The following PALD1 variants were observed in gnomAD, a reference collection of about 807,000 sequenced individuals.
The protein encoded by PALD1 is paladin.
A neutral mutation model predicts 96.0 loss-of-function variants in PALD1; 57 were observed. The ratio of observed to expected loss-of-function variants is 0.59; its 90% CI spans 0.48 to 0.74. The LOEUF (loss-of-function observed/expected upper bound fraction) is 0.74. PALD1 is among the 30% of genes least tolerant of loss of function. The probability of loss-of-function intolerance (pLI) is 0.00; values close to 1 mark genes in which losing one functional copy is unlikely to be tolerated. For synonymous variants in PALD1, 464 were observed against 473.6 expected, an observed-to-expected ratio of 0.98 and a Z score of 0.26; for missense variants, 1,063 against 1,143.7, an observed-to-expected ratio of 0.93 and a Z score of 1.02.
chr10:70,498,398 G>T (rs141276187), intron 1 of PALD1, among the ~76,000 whole-genome samples: 1 of 152,216 alleles, frequency 6.6e-6, no homozygotes, highest in Admixed American at 6.5e-5. Context: ...TCCTGTTTCA[G>T]CCTCCCAAGT....
rs374746350 is a variant in PALD1, at chr10:70,564,395, G to A, written c.2294G>A (p.Arg765Gln). ...GCAGCGAAAGAGGCGCAAGAAATGC[G>A]GAGGCTGCAGCTGCGGAGCCTGCAG... is the stretch of plus-strand genomic sequence containing the variant. ...AKAAKEAQEM[R>Q]RLQLRSLQYL... The change falls in exon 19 of 20, where the codon CGG (arginine) becomes CAG (glutamine). Residue 765 changes from arginine to glutamine, a missense_variant. By Grantham distance (43) the Arg-to-Gln change is conservative. Transcript: ENST00000263563. The A allele has an allele frequency of 7.9e-5, 128 of 1,613,664 alleles. No individual in the cohort carries two copies. The highest frequency in any genetic ancestry group is 9.8e-5 in the Non-Finnish European group (116 of 1,179,730).
At chr10:70,494,688 G>A (rs547466604) in intron 1 of PALD1, among the ~76,000 whole-genome samples, 4 of 152,232 alleles carry the variant, frequency 2.6e-5, no homozygotes, top group Non-Finnish European at 4.4e-5. Flanking sequence ...TCCCGTGGGC[G>A]GGGGCTTGGT....
intron 18 of PALD1, among the ~76,000 whole-genome samples, chr10:70,561,889 C>T (rs898086512): frequency 3.9e-5 from 6 of 152,220 alleles, no homozygotes; most frequent in African/African-American, 1.4e-4. Context: ...CTAGATGTCC[C>T]CTCTTCCTTG....
chr10:70,528,496 T>TCCTTGTCCA, intron 2 of PALD1, among the ~76,000 whole-genome samples: 1 of 152,316 alleles, frequency 6.6e-6, no homozygotes, highest in South Asian at 2.1e-4. Context: ...TGTCCAAAGC[T>TCCTTGTCCA]ATAGAGTTAC....
intron 1 of PALD1, among the ~76,000 whole-genome samples, chr10:70,482,755 C>G (rs1382512884): frequency 6.6e-6 from 1 of 152,136 alleles, no homozygotes; most frequent in Non-Finnish European, 1.5e-5. Flanking sequence ...CTCTCTGTGC[C>G]TCAAGTCCCT....
At chr10:70,502,581 C>T (rs1304155639) in intron 1 of PALD1, among the ~76,000 whole-genome samples, 1 of 152,028 alleles carries the variant, frequency 6.6e-6, no homozygotes, top group Admixed American at 6.6e-5. Flanking sequence ...TGGAATGTAT[C>T]ATGGACGTCA....
At chr10:70,562,366 C>G (rs1011990057) in intron 18 of PALD1, among the ~76,000 whole-genome samples, 1 of 152,170 alleles carries the variant, frequency 6.6e-6, no homozygotes. Context: ...CAGCAAAGGC[C>G]GTGGAGGTAG....
In PALD1 at chr10:70,532,689, G is replaced by T. The variant is rs142191615; in HGVS notation, c.702G>T (p.Gly234=). 2 of 1,614,052 alleles carry T rather than the reference G, an allele frequency of 1.2e-6. No individual in the cohort carries two copies. Among genetic ancestry groups the T allele is most frequent in the African/African-American group, 2.7e-5 (2 of 74,938 alleles). Residue 234 remains glycine, a synonymous_variant, in exon 6 of 20, where the codon GGG becomes GGT. Coordinates refer to ENST00000263563, the MANE Select transcript of PALD1 (RefSeq NM_014431.3). ...HVYHNTEDLW[G]EPHAVAIHGE... is the part of the protein sequence containing the mutation. Reference sequence around the variant, plus strand: ...ACCATAACACCGAGGACCTGTGGGGGGAGCCCCATGCTGTGGCCATCCATG... The same window carrying T: ...ACCATAACACCGAGGACCTGTGGGGTGAGCCCCATGCTGTGGCCATCCATG...
At chr10:70,493,408 T>C (rs1015489841) in intron 1 of PALD1, among the ~76,000 whole-genome samples, 3 of 152,252 alleles carry the variant, frequency 2.0e-5, no homozygotes, top group African/African-American at 7.2e-5. Context: ...CAGTGATGTC[T>C]GCAGTGGGTC....
At position 70,529,971 on chromosome 10, in the gene PALD1, G is replaced by A. The variant is rs1174205581; in HGVS notation, c.371G>A (p.Arg124Gln). 15 of 1,612,584 alleles carry A rather than the reference G, an allele frequency of 9.3e-6. No homozygotes were observed. Among genetic ancestry groups the A allele is most frequent in the Non-Finnish European group, 1.2e-5 (14 of 1,179,350 alleles). Residue 124 changes from arginine to glutamine, a missense_variant, in exon 4 of 20, where the codon CGG (arginine) becomes CAG (glutamine). Arg to Gln is a conservative substitution (Grantham distance 43). Coordinates refer to ENST00000263563, the MANE Select transcript of PALD1 (RefSeq NM_014431.3). ...GGAAGCTGTGGGGCCCCCAACTTCC[G>A]GCAGGTGCAGGGTGGGCTCACTGTG... is the stretch of plus-strand genomic sequence containing the variant. ...TVGSCGAPNF[R>Q]QVQGGLTVFG...
At position 70,496,824 on chromosome 10, in the gene PALD1, C is replaced by T. The variant is rs1488103657; in HGVS notation, c.-30+17765C>T. ...ATCCTCCTTTCACCAAGAGGGAGACCGAGGAGGTTCCAGAGGGTCTGAGAG... is the reference window on the plus strand; with the variant it reads ...ATCCTCCTTTCACCAAGAGGGAGACTGAGGAGGTTCCAGAGGGTCTGAGAG... On this transcript the variant is annotated intron_variant, in intron 1 of 19. Transcript: ENST00000263563. Among the ~76,000 whole-genome samples, 12 of 152,216 alleles carry T rather than the reference C, an allele frequency of 7.9e-5. No individual in the cohort carries two copies. In the East Asian group the frequency reaches 1.4e-3, roughly 17 times the overall value.
intron 3 of PALD1, 131 bp downstream of exon 3, chr10:70,529,462 G>A (rs1288941364): frequency 1.6e-6 from 1 of 624,450 alleles, no homozygotes; most frequent in Non-Finnish European, 2.9e-6. Flanking sequence ...GAACGGGCAG[G>A]GCCCTAGGAT....
At chr10:70,490,490 G>A (rs1231470925) in intron 1 of PALD1, among the ~76,000 whole-genome samples, 2 of 152,144 alleles carry the variant, frequency 1.3e-5, no homozygotes, top group East Asian at 3.8e-4. Context: ...CCCCTCACTT[G>A]CTGATTGACA....
the PALD1 span, among the ~76,000 whole-genome samples, chr10:70,463,927 T>C: frequency 2.6e-5 from 4 of 151,824 alleles, no homozygotes; most frequent in Non-Finnish European, 5.9e-5. Context: ...AGAAGTGAGG[T>C]TGAACTTAGT....
rs371470294 is a variant in PALD1 at position 70,541,440 on chromosome 10, T to C, written c.2050-23T>C. 24 of 1,610,852 alleles carry C rather than the reference T, an allele frequency of 1.5e-5. No individual in the cohort carries two copies. In the African/African-American group the frequency reaches 2.9e-4, roughly 20 times the overall value. ...TCCTGGCGTTGGGAGGGGGCTTCTG[T>C]CTCAGCAGCTGTCTTCCCTCAGGGC... On this transcript the variant is annotated intron_variant, in intron 16 of 19. Coordinates refer to ENST00000263563, the MANE Select transcript of PALD1 (RefSeq NM_014431.3).
At chr10:70,554,925 CCCCT>C (rs1847565246) in intron 18 of PALD1, among the ~76,000 whole-genome samples, 2 of 20,908 alleles carry the variant, frequency 9.6e-5, no homozygotes, top group African/African-American at 1.7e-4. Context: ...TCCTCCCCTC[CCCCT>C]CCTCCCCCTC....
Position 70,531,269 on chromosome 10 carries a change from TC to T in PALD1, c.469-16del. On this transcript the variant is annotated intron_variant, in intron 4 of 19. Transcript: ENST00000263563. ...TGCGGGATCATGATGATGGCTTCCT[TC>T]CCCCTCGGGCTCCTGGCAGGAGTGT... The T allele has an allele frequency of 6.2e-7, 1 of 1,602,346 alleles. No individual in the cohort carries two copies. Among genetic ancestry groups the T allele is most frequent in the Non-Finnish European group, 8.5e-7 (1 of 1,171,100 alleles).
rs575116861 is a variant in PALD1, at chr10:70,537,232, C to T, written c.1228-579C>T. The stretch of plus-strand genomic sequence containing the variant: ...AAGCGATTCTCCCACCTCAGCCTCA[C>T]GAGTGGCTGGGACTACAGGCATGTG... On this transcript the variant is annotated intron_variant, in intron 10 of 19. Transcript: ENST00000263563. Among the ~76,000 whole-genome samples the T allele has an allele frequency of 1.7e-3, 263 of 152,182 alleles. 1 individual carries two copies. Among genetic ancestry groups the T allele is most frequent in the Non-Finnish European group, 2.6e-3 (178 of 68,012 alleles).
At chr10:70,520,685 CTTTTTT>C (rs10545684) in intron 1 of PALD1, among the ~76,000 whole-genome samples, 3 of 87,678 alleles carry the variant, frequency 3.4e-5, no homozygotes, top group Admixed American at 1.5e-4. Context: ...TTCTTTCTTT[CTTTTTT>C]TTTTTTTTTT....
Sources: gnomAD v4.1 joint callset for allele counts (sites outside exome capture counted in the v4.1 genomes callset) on GRCh38, gnomAD v4.1.1 for gene constraint, MANE v1.5 for transcripts, NCBI Gene and HGNC (gene_info 2026-07-23, HGNC 2026-07-21) for gene names.